The following FBXO30 variants were observed in gnomAD, a reference collection of about 807,000 sequenced individuals.
FBXO30 encodes the protein F-box protein 30, also known as F-box only protein 30.
FBXO30 carries 21 observed loss-of-function variants against 58.1 expected under a neutral mutation model. The ratio of observed to expected loss-of-function variants is 0.36; its 90% confidence interval spans 0.26 to 0.52. The LOEUF is 0.52. Among genes scored for constraint, FBXO30 ranks in the 20% least tolerant of loss-of-function variants. The pLI is 0.93. For synonymous variants in FBXO30, 309 were observed against 312.4 expected, an observed-to-expected ratio of 0.99 and a Z score of 0.11; for missense variants, 744 against 897.3, an observed-to-expected ratio of 0.83 and a Z score of 2.18.
chr6:145,802,898 A>G (rs888380285), intron 2 of FBXO30, among the ~76,000 whole-genome samples: 2 of 152,122 alleles, frequency 1.3e-5, no homozygotes, highest in African/African-American at 2.4e-5. Flanking sequence ...AGCAGCCAAC[A>G]TAACTCCTAA....
At chr6:145,814,100 T>C (rs1014290951) in intron 1 of FBXO30, among the ~76,000 whole-genome samples, 7 of 152,120 alleles carry the variant, frequency 4.6e-5, no homozygotes, top group South Asian at 2.1e-4. Flanking sequence ...ATCCTCTCAC[T>C]TCCATGAATG....
chr6:145,805,781 T>A lies in FBXO30; in HGVS notation c.625A>T (p.Met209Leu). 6.2e-7 allele frequency: 1 copy of A among 1,614,132 alleles called. No homozygotes were observed. The highest frequency in any genetic ancestry group is 8.5e-7 in the Non-Finnish European group (1 of 1,179,988). ...TCATTTGGGACACTTGTATTTAACA[T>A]GCCAATGTCTCTTGTAGCAGTATTC... ...ILNTATRDIGMLNTSVPNDMD... is the reference protein window; with the variant it reads ...ILNTATRDIGLLNTSVPNDMD... Residue 209 changes from methionine (M) to leucine (L), a missense_variant, in exon 2 of 3, where the codon ATG (methionine) becomes TTG (leucine). By Grantham distance (15) the Met-to-Leu change is conservative. Around this residue, in one of 3 missense-constraint regions of FBXO30, gnomAD observed 275 missense variants for 262.0 expected, o/e 1.05. Coordinates refer to ENST00000237281, the MANE Select transcript of FBXO30 (RefSeq NM_032145.5).
At chr6:145,803,376 C>T (rs984245038) in intron 2 of FBXO30, among the ~76,000 whole-genome samples, 2 of 152,036 alleles carry the variant, frequency 1.3e-5, no homozygotes, top group South Asian at 2.1e-4. Flanking sequence ...GATCATTTAT[C>T]GGTCAAGGCC....
chr6:145,803,042 G>A (rs73570037), intron 2 of FBXO30, among the ~76,000 whole-genome samples: 11,620 of 152,038 alleles, frequency 0.076, 1,510 homozygotes, highest in African/African-American at 0.26. Context: ...GTAGATGCTT[G>A]TATATAGTGG....
At position 145,800,054 on chromosome 6, in the gene FBXO30, C is replaced by T. The variant is rs1777947907; in HGVS notation, c.*52G>A. ...TACATTAATAAAGTTTCACATATTA[C>T]AAAGAAATTATACTAGGTGCTTGCA... On this transcript the variant is annotated 3_prime_UTR_variant, in exon 3 of 3. Transcript: ENST00000237281. 9.6e-6 allele frequency: 13 copies of T among 1,355,356 alleles called. No individual in the cohort carries two copies. The highest frequency in any genetic ancestry group is 1.4e-5 in the Non-Finnish European group (13 of 960,720). 84.0% of individuals were successfully genotyped at this position (1,355,356 alleles called of 1,614,324 possible).
rs1157987295 is a variant in FBXO30 at position 145,797,890 on chromosome 6, G to A, written c.*2216C>T. ...AAACCTTTTCATACTTAAGAGGAGA[G>A]AGAGATGGTTTCCATGACAACTTTT... is the stretch of plus-strand genomic sequence containing the variant. On this transcript the variant is annotated 3_prime_UTR_variant, in exon 3 of 3. Transcript: ENST00000237281. The A allele has an allele frequency of 2.0e-5, 3 of 152,038 alleles. No homozygotes were observed. The highest frequency in any genetic ancestry group is 4.4e-5 in the Non-Finnish European group (3 of 67,958). The allele number at this position is 152,038 out of a possible 1,614,324, so 9.4% of individuals were successfully genotyped here.
chr6:145,811,495 T>C (rs1778332819), intron 1 of FBXO30, among the ~76,000 whole-genome samples: 2 of 152,324 alleles, frequency 1.3e-5, no homozygotes, highest in African/African-American at 2.4e-5. Context: ...ATGAGAAACA[T>C]AGGAGGAAGC....
At chr6:145,800,355 G>A in intron 2 of FBXO30, 46 bp from the exon 3 acceptor site, 1 of 1,523,498 alleles carries the variant, frequency 6.6e-7, no homozygotes. Context: ...AATGTGTAGA[G>A]AATCAAAACA....
At position 145,805,564 on chromosome 6, in the gene FBXO30, G is replaced by A. The variant is rs561007112; in HGVS notation, c.842C>T (p.Ser281Phe). Residue 281 changes from serine to phenylalanine, a missense_variant, in exon 2 of 3, where the codon TCT (serine) becomes TTT (phenylalanine). By Grantham distance (155) the Ser-to-Phe change is radical (BLOSUM62 -2). Coordinates refer to ENST00000237281, the MANE Select transcript of FBXO30 (RefSeq NM_032145.5). ...CDLNTSSYDT[S>F]ALCNGFPLEN... ...CAAAGGAAAGCCATTACAAAGAGCAGAAGTGTCATAAGAACTTGTATTCAA... is the reference window on the plus strand; with the variant it reads ...CAAAGGAAAGCCATTACAAAGAGCAAAAGTGTCATAAGAACTTGTATTCAA... The A allele has an allele frequency of 1.1e-5, 17 of 1,612,552 alleles. No homozygotes were observed. The African/African-American group carries it at 2.3e-4, about 22-fold the overall frequency.
chr6:145,805,258 AAAGAT>A lies in FBXO30; in HGVS notation c.1143_1147del (p.Leu381PhefsTer12). The A allele has an allele frequency of 6.2e-7, 1 of 1,614,072 alleles. No individual in the cohort carries two copies. The highest frequency in any genetic ancestry group is 1.1e-5 in the South Asian group (1 of 91,086). On this transcript the variant is annotated frameshift_variant, in exon 2 of 3. Coordinates refer to ENST00000237281, the MANE Select transcript of FBXO30 (RefSeq NM_032145.5). LOFTEE classifies it high-confidence loss of function. ...AAAATTGAATGAAGGAGCATGACTG[AAAGAT>A]AAGACATCCACATTCTTCACGTCCC... is the stretch of plus-strand genomic sequence containing the variant.
chr6:145,807,795 C>A (rs1036346357), intron 1 of FBXO30, among the ~76,000 whole-genome samples: 1 of 151,890 alleles, frequency 6.6e-6, no homozygotes, highest in Non-Finnish European at 1.5e-5. Context: ...TGGTGTGTTT[C>A]CTATTAGCAA....
chr6:145,806,536 C>T, intron 1 of FBXO30, 115 bp from the exon 2 acceptor site: 1 of 765,516 alleles, frequency 1.3e-6, no homozygotes, highest in South Asian at 1.9e-5. Context: ...TTTAGGATGA[C>T]ATATATAAAA....
chr6:145,811,583 G>C (rs1778335589), intron 1 of FBXO30, among the ~76,000 whole-genome samples: 1 of 152,154 alleles, frequency 6.6e-6, no homozygotes, highest in Non-Finnish European at 1.5e-5. Flanking sequence ...AATGAATATA[G>C]AAGCACTGGG....
chr6:145,812,502 G>A (rs1009270521), intron 1 of FBXO30, among the ~76,000 whole-genome samples: 1 of 152,140 alleles, frequency 6.6e-6, no homozygotes, highest in African/African-American at 2.4e-5. Flanking sequence ...TCTCAGCTTA[G>A]TGACCTTGAG....
chr6:145,805,123 G>A lies in FBXO30; in HGVS notation c.1283C>T (p.Ala428Val). 2 of 1,614,084 alleles carry A rather than the reference G, an allele frequency of 1.2e-6. No individual in the cohort carries two copies. Among genetic ancestry groups the A allele is most frequent in the Non-Finnish European group, 1.7e-6 (2 of 1,179,952 alleles). Reference sequence around the variant, plus strand: ...ATCTCCTAGACAAAAAAGCAATGCTGCTGTGATCAGATCTATTCCTTGGAG... The same window carrying A: ...ATCTCCTAGACAAAAAAGCAATGCTACTGTGATCAGATCTATTCCTTGGAG... ...MGLQGIDLITAALLFCLGDSP... is the reference protein window; with the variant it reads ...MGLQGIDLITVALLFCLGDSP... Residue 428 changes from alanine (A) to valine (V), a missense_variant, in exon 2 of 3, where the codon GCA becomes GTA. Physicochemically the swap from Ala to Val is moderately conservative, Grantham distance 64. Around this residue, in one of 3 missense-constraint regions of FBXO30, gnomAD observed 334 missense variants for 433.7 expected, o/e 0.77. Transcript: ENST00000237281.
chr6:145,800,140 C>T lies in FBXO30; in HGVS notation c.2204G>A (p.Arg735His), dbSNP rs1456670889. 5.0e-6 allele frequency: 8 copies of T among 1,612,732 alleles called. No homozygotes were observed. Among genetic ancestry groups the T allele is most frequent in the African/African-American group, 1.3e-5 (1 of 74,898 alleles). Residue 735 changes from arginine (R) to histidine (H), a missense_variant, in exon 3 of 3, where the codon CGT (arginine) becomes CAT (histidine). Physicochemically the swap from Arg to His is conservative, Grantham distance 29. Coordinates refer to ENST00000237281, the MANE Select transcript of FBXO30 (RefSeq NM_032145.5). ...CVTRELTKEG[R>H]SLRSVLKPVL ...AGGTTTTAAAACTGAGCGTAGTGAA[C>T]GTCCTTCTTTAGTGAGTTCTCGTGT...
chr6:145,794,004 TTTA>T lies in FBXO30; in HGVS notation c.*6099_*6101del, dbSNP rs1228707017. 6.6e-6 allele frequency: 1 copy of T among 151,984 alleles called. No individual in the cohort carries two copies. Among genetic ancestry groups the T allele is most frequent in the Non-Finnish European group, 1.5e-5 (1 of 67,886 alleles). The allele number at this position is 151,984 out of a possible 1,614,324, so 9.4% of individuals were successfully genotyped here. A position where few individuals can be genotyped will look rare whatever the true frequency, so the allele number is the denominator to read the frequency against. ...ATAAAATACACATCAAATACACCATTTTAAAGTATACAATTCACTGGCATTTTG... is the reference window on the plus strand; with the variant it reads ...ATAAAATACACATCAAATACACCATTAAGTATACAATTCACTGGCATTTTG... On this transcript the variant is annotated 3_prime_UTR_variant, in exon 3 of 3. Transcript: ENST00000237281.
At position 145,804,668 on chromosome 6, in the gene FBXO30, G is replaced by C; in HGVS notation, c.1738C>G (p.His580Asp). The C allele has an allele frequency of 6.2e-7, 1 of 1,613,902 alleles. No homozygotes were observed. The highest frequency in any genetic ancestry group is 8.5e-7 in the Non-Finnish European group (1 of 1,179,906). The change falls in exon 2 of 3, where the codon CAT (histidine) becomes GAT (aspartate). Residue 580 changes from histidine to aspartate, a missense_variant. Physicochemically the swap from His to Asp is moderately conservative, Grantham distance 81. Transcript: ENST00000237281. Reference protein sequence around the residue: ...CPSIQGAKIIHDRHLRSFGVQ... With the variant: ...CPSIQGAKIIDDRHLRSFGVQ... ...CCAAATGACCTCAAATGGCGGTCAT[G>C]TATAATCTTTGCTCCTTGTATTGAT...
At position 145,800,039 on chromosome 6, in the gene FBXO30, A is replaced by C; in HGVS notation, c.*67T>G. Reference sequence around the variant, plus strand: ...AGTTGTAATATTTAATACATTAATAAAGTTTCACATATTACAAAGAAATTA... The same window carrying C: ...AGTTGTAATATTTAATACATTAATACAGTTTCACATATTACAAAGAAATTA... On this transcript the variant is annotated 3_prime_UTR_variant, in exon 3 of 3. Coordinates refer to ENST00000237281, the MANE Select transcript of FBXO30 (RefSeq NM_032145.5). 8.5e-7 allele frequency: 1 copy of C among 1,171,522 alleles called. No homozygotes were observed. The highest frequency in any genetic ancestry group is 1.3e-5 in the South Asian group (1 of 74,260). 72.6% of individuals were successfully genotyped at this position (1,171,522 alleles called of 1,614,324 possible).
Sources: allele counts gnomAD v4.1 joint callset (sites outside exome capture counted in the v4.1 genomes callset), GRCh38; gene constraint gnomAD v4.1.1; regional missense constraint gnomAD v4.1.1; transcripts MANE v1.5; gene names NCBI Gene and HGNC (gene_info 2026-07-23, HGNC 2026-07-21).